The following BMAL1 variants were observed in gnomAD, a reference collection of about 807,000 sequenced individuals.
The protein encoded by BMAL1 is basic helix-loop-helix ARNT like 1.
chr11:13,295,482 G>A, the BMAL1 span, among the ~76,000 whole-genome samples: 2 of 152,266 alleles, frequency 1.3e-5, no homozygotes, highest in Non-Finnish European at 2.9e-5. Flanking sequence ...TGATTGCAAG[G>A]TCTGGCTCCT....
At chr11:13,288,429 T>TTTTTTC in the BMAL1 span, among the ~76,000 whole-genome samples, 3 of 104,710 alleles carry the variant, frequency 2.9e-5, no homozygotes, top group South Asian at 3.0e-4. Context: ...TTTTTCTTTT[T>TTTTTTC]TTTTTTTTTG....
At chr11:13,369,661 A>T in the BMAL1 span, 1 of 1,614,048 alleles carries the variant, frequency 6.2e-7, no homozygotes, top group Non-Finnish European at 8.5e-7. Context: ...GGCCATCTCG[A>T]TTATGTTCTG....
At chr11:13,373,353 C>T in the BMAL1 span, among the ~76,000 whole-genome samples, 1 of 152,192 alleles carries the variant, frequency 6.6e-6, no homozygotes, top group African/African-American at 2.4e-5. Context: ...CTAGAGACAG[C>T]CACAACATGC....
the BMAL1 span, chr11:13,354,238 C>T: frequency 6.6e-6 from 4 of 607,478 alleles, no homozygotes; most frequent in African/African-American, 4.2e-5. Flanking sequence ...AACCTGGGTT[C>T]TCCACCACTT....
the BMAL1 span, among the ~76,000 whole-genome samples, chr11:13,331,295 A>G: frequency 6.6e-6 from 1 of 152,250 alleles, no homozygotes; most frequent in African/African-American, 2.4e-5. Flanking sequence ...TAGCAAAGCA[A>G]AGGTAACATC....
chr11:13,333,123 C>T, the BMAL1 span, among the ~76,000 whole-genome samples: 2 of 152,112 alleles, frequency 1.3e-5, no homozygotes, highest in Non-Finnish European at 2.9e-5. Context: ...CATGCCACCA[C>T]ACCCAGCTAA....
the BMAL1 span, chr11:13,365,651 A>G: frequency 7.1e-7 from 1 of 1,399,338 alleles, no homozygotes; most frequent in Non-Finnish European, 1.0e-6. Flanking sequence ...AGTGTCACTC[A>G]ATTTTGTCAG....
At chr11:13,358,413 G>A in the BMAL1 span, 254 of 1,508,720 alleles carry the variant, frequency 1.7e-4, no homozygotes, top group Non-Finnish European at 2.2e-4. Flanking sequence ...ATAAGAAATC[G>A]TTTTTCATAT....
At chr11:13,305,462 T>G in the BMAL1 span, among the ~76,000 whole-genome samples, 4 of 152,268 alleles carry the variant, frequency 2.6e-5, no homozygotes, top group East Asian at 3.8e-4. Context: ...ATCTTGCATG[T>G]TTGCTAAACT....
At chr11:13,340,926 C>T in the BMAL1 span, among the ~76,000 whole-genome samples, 2 of 152,180 alleles carry the variant, frequency 1.3e-5, no homozygotes, top group African/African-American at 4.8e-5. Flanking sequence ...GGAATCCACC[C>T]CTTTCACAGA....
At chr11:13,321,512 C>T in the BMAL1 span, among the ~76,000 whole-genome samples, 1 of 152,098 alleles carries the variant, frequency 6.6e-6, no homozygotes, top group African/African-American at 2.4e-5. Flanking sequence ...TTTTCTCCCT[C>T]TTTGCTGCCT....
chr11:13,358,311 G>A, the BMAL1 span: 1 of 1,168,976 alleles, frequency 8.6e-7, no homozygotes, highest in Non-Finnish European at 1.2e-6. Flanking sequence ...TAAACATTCT[G>A]CAAATTCTAA....
the BMAL1 span, among the ~76,000 whole-genome samples, chr11:13,300,436 A>T: frequency 6.6e-6 from 1 of 152,220 alleles, no homozygotes; most frequent in Non-Finnish European, 1.5e-5. Context: ...GGAATCATCT[A>T]TGTTGGGGTT....
At chr11:13,338,673 G>A in the BMAL1 span, among the ~76,000 whole-genome samples, 4 of 152,346 alleles carry the variant, frequency 2.6e-5, no homozygotes, top group Non-Finnish European at 5.9e-5. Flanking sequence ...CCAGCCTGGA[G>A]GTGGGCATAT....
At chr11:13,351,434 C>G in the BMAL1 span, among the ~76,000 whole-genome samples, 10 of 152,162 alleles carry the variant, frequency 6.6e-5, no homozygotes, top group East Asian at 1.3e-3. Flanking sequence ...CTTGTATATT[C>G]AAGTGAGGAC....
At chr11:13,377,617 T>C in the BMAL1 span, among the ~76,000 whole-genome samples, 1 of 152,300 alleles carries the variant, frequency 6.6e-6, no homozygotes, top group African/African-American at 2.4e-5. Context: ...GCCTTTTCTG[T>C]GTATCGTCCT....
chr11:13,323,323 T>A, the BMAL1 span, among the ~76,000 whole-genome samples: 1 of 152,204 alleles, frequency 6.6e-6, no homozygotes, highest in Non-Finnish European at 1.5e-5. Context: ...GCCCAGATTG[T>A]CTTCCTGAGC....
At chr11:13,353,725 C>T in the BMAL1 span, among the ~76,000 whole-genome samples, 1 of 152,122 alleles carries the variant, frequency 6.6e-6, no homozygotes, top group East Asian at 1.9e-4. Context: ...TTTTGGATGG[C>T]TGAGGCACGA....
the BMAL1 span, among the ~76,000 whole-genome samples, chr11:13,325,842 A>G: frequency 6.6e-6 from 1 of 151,924 alleles, no homozygotes; most frequent in Non-Finnish European, 1.5e-5. Context: ...AGCCTTTTAA[A>G]TTTTATTGTA....
Sources: allele counts gnomAD v4.1 joint callset (sites outside exome capture counted in the v4.1 genomes callset), GRCh38; gene constraint gnomAD v4.1.1; transcripts MANE v1.5; gene names NCBI Gene and HGNC (gene_info 2026-07-23, HGNC 2026-07-21).